Variants in PPP1R37 observed in about 807,000 individuals in gnomAD.
PPP1R37 encodes leucine rich repeat containing 68.
PPP1R37 carries 21 observed loss-of-function variants against 61.0 expected under a neutral mutation model. The observed-to-expected ratio is 0.34, with a 90% CI of 0.24 to 0.50. The LOEUF is 0.50. PPP1R37 is among the 20% of genes least tolerant of loss of function. PPP1R37 has a pLI of 0.98. For synonymous variants in PPP1R37, 443 were observed against 433.5 expected, an observed-to-expected ratio of 1.02 and a Z score of -0.27; for missense variants, 910 against 952.7, an observed-to-expected ratio of 0.96 and a Z score of 0.59.
intron 1 of PPP1R37, among the ~76,000 whole-genome samples, chr19:45,111,907 T>A (rs10409232): frequency 0.14 from 21,560 of 152,166 alleles, 1,702 homozygotes; most frequent in Non-Finnish European, 0.17. Flanking sequence ...TCGTTCTGCC[T>A]GTTTTTGAGT....
intron 1 of PPP1R37, among the ~76,000 whole-genome samples, chr19:45,133,039 A>G (rs985554740): frequency 4.6e-5 from 7 of 152,174 alleles, no homozygotes; most frequent in Non-Finnish European, 8.8e-5. Context: ...GTTGGGCGCT[A>G]GGATTTGACT....
chr19:45,134,259 C>T (rs1015059955), intron 1 of PPP1R37, among the ~76,000 whole-genome samples: 5 of 152,132 alleles, frequency 3.3e-5, no homozygotes, highest in Admixed American at 2.6e-4. Context: ...CTGTCTTGGC[C>T]TCACATAGTG....
At chr19:45,135,653 T>C (rs2122747057) in intron 1 of PPP1R37, among the ~76,000 whole-genome samples, 1 of 152,350 alleles carries the variant, frequency 6.6e-6, no homozygotes, top group East Asian at 1.9e-4. Context: ...CCTGGCTCCC[T>C]GCTTCACAGA....
intron 1 of PPP1R37, among the ~76,000 whole-genome samples, chr19:45,123,188 G>C (rs182924702): frequency 9.0e-4 from 136 of 151,666 alleles, no homozygotes; most frequent in African/African-American, 3.0e-3. Context: ...CTCTGGGACA[G>C]AGCTGGCTTG....
chr19:45,100,217 T>G (rs1490027415), intron 1 of PPP1R37: 6 of 152,226 alleles, frequency 3.9e-5, no homozygotes, highest in African/African-American at 1.4e-4. Context: ...CAAGCCTGCC[T>G]TCAGACCTCA....
chr19:45,138,712 G>C lies in PPP1R37; in HGVS notation c.300+101G>C. The C allele has an allele frequency of 2.8e-6, 2 of 701,982 alleles. 1 individual carries two copies. The highest frequency in any genetic ancestry group is 3.5e-5 in the South Asian group (2 of 57,678). 43.5% of individuals were successfully genotyped at this position (701,982 alleles called of 1,614,324 possible). A position where few individuals can be genotyped will look rare whatever the true frequency, so the allele number is the denominator to read the frequency against. ...GAGGGCCTCCCACTCCCCAGCCCCA[G>C]GTGTTCATGAATACATCTTTGAAAG... On this transcript the variant is annotated intron_variant, in intron 2 of 12. Coordinates refer to ENST00000221462, the MANE Select transcript of PPP1R37 (RefSeq NM_019121.2).
chr19:45,140,295 T>A lies in PPP1R37; in HGVS notation c.346+14T>A. On this transcript the variant is annotated intron_variant, in intron 3 of 12. Coordinates refer to ENST00000221462, the MANE Select transcript of PPP1R37 (RefSeq NM_019121.2). ...TGGACCTGAAAGGTGTGTGTCTGGC[T>A]AGGGGTTGAGAGCCCTTGGGTCATG... 6.5e-7 allele frequency: 1 copy of A among 1,535,762 alleles called. No individual in the cohort carries two copies. Among genetic ancestry groups the A allele is most frequent in the Non-Finnish European group, 8.7e-7 (1 of 1,146,576 alleles).
Position 45,146,393 on chromosome 19 carries a change from T to C in PPP1R37, c.1997T>C (p.Leu666Pro), listed in dbSNP as rs1435233668. The C allele has an allele frequency of 6.5e-7, 1 of 1,535,760 alleles. No individual in the cohort carries two copies. The highest frequency in any genetic ancestry group is 2.4e-5 in the East Asian group (1 of 40,890). The change falls in exon 12 of 13, where the codon CTG becomes CCG. Residue 666 changes from leucine to proline, a missense_variant. Physicochemically the swap from Leu to Pro is moderately conservative, Grantham distance 98. This residue lies in a region of PPP1R37 where 549 missense variants were observed against 505.1 expected (regional missense o/e 1.09). Coordinates refer to ENST00000221462, the MANE Select transcript of PPP1R37 (RefSeq NM_019121.2). Reference protein sequence around the residue: ...KGGSCGLEHELSCSKNEKELE... With the variant: ...KGGSCGLEHEPSCSKNEKELE... ...GCTGGCCCGTCCTCCCACACAGAAC[T>C]GAGCTGCTCCAAGAACGAGAAGGAG...
Position 45,146,981 on chromosome 19 carries a change from GGT to G in PPP1R37, c.*421_*422del, listed in dbSNP as rs1280020613. 2.5e-5 allele frequency: 4 copies of G among 162,974 alleles called. No individual in the cohort carries two copies. The highest frequency in any genetic ancestry group is 9.6e-5 in the African/African-American group (4 of 41,530). The allele number at this position is 162,974 out of a possible 1,614,324, so 10.1% of individuals were successfully genotyped here. On this transcript the variant is annotated 3_prime_UTR_variant, in exon 13 of 13. Transcript: ENST00000221462. Reference sequence around the variant, plus strand: ...TGCCGGAGAGGCGGTGCGTGCTGGTGGTGGTTGAGATGCACAGAACAGCCCCA... The same window carrying G: ...TGCCGGAGAGGCGGTGCGTGCTGGTGGGTTGAGATGCACAGAACAGCCCCA...
chr19:45,110,596 T>C (rs1328737873), intron 1 of PPP1R37, among the ~76,000 whole-genome samples: 1 of 152,186 alleles, frequency 6.6e-6, no homozygotes, highest in Non-Finnish European at 1.5e-5. Flanking sequence ...TCCCAGTCCT[T>C]GAGGGCAGGG....
intron 8 of PPP1R37, chr19:45,143,844 T>A: frequency 4.7e-6 from 2 of 427,096 alleles, no homozygotes; most frequent in Non-Finnish European, 8.5e-6. Flanking sequence ...CTCCTTTTTT[T>A]TTTTGAGACC....
At chr19:45,114,924 C>T (rs77593388) in intron 1 of PPP1R37, among the ~76,000 whole-genome samples, 1 of 152,142 alleles carries the variant, frequency 6.6e-6, no homozygotes, top group Admixed American at 6.5e-5. Flanking sequence ...AAAGGAACCC[C>T]CTAACTCCCC....
intron 1 of PPP1R37, among the ~76,000 whole-genome samples, chr19:45,112,713 T>G (rs1361948163): frequency 1.3e-5 from 2 of 152,296 alleles, no homozygotes; most frequent in South Asian, 2.1e-4. Flanking sequence ...TGTCTAGGGA[T>G]GGGTCTGCCT....
At chr19:45,128,696 G>A in intron 1 of PPP1R37, 1 of 1,092,172 alleles carries the variant, frequency 9.2e-7, no homozygotes, top group Non-Finnish European at 1.4e-6. Flanking sequence ...TCTTTGAGAT[G>A]TCTGCTTGGA....
intron 1 of PPP1R37, among the ~76,000 whole-genome samples, chr19:45,104,556 T>G (rs1968105621): frequency 6.6e-6 from 1 of 152,198 alleles, no homozygotes; most frequent in Non-Finnish European, 1.5e-5. Context: ...GTCCCTGCCA[T>G]GCCAGGTGGA....
intron 1 of PPP1R37, among the ~76,000 whole-genome samples, chr19:45,100,623 A>G (rs1968050418): frequency 1.3e-5 from 2 of 152,230 alleles, no homozygotes; most frequent in African/African-American, 2.4e-5. Flanking sequence ...CTGCGCAGTA[A>G]TAACCCCTGT....
intron 1 of PPP1R37, among the ~76,000 whole-genome samples, chr19:45,103,672 C>T (rs1053990626): frequency 1.3e-5 from 2 of 152,142 alleles, no homozygotes; most frequent in African/African-American, 4.8e-5. Flanking sequence ...TGAAAGCGAG[C>T]CGCAGGGAAG....
Position 45,145,583 on chromosome 19 carries a change from G to C in PPP1R37, c.1527G>C (p.Ser509=). Residue 509 remains serine, a synonymous_variant, in exon 11 of 13, where the codon TCG becomes TCC. Transcript: ENST00000221462. ...PAPSPDSDSD[S]DSDGEEEEEE... ...CCAGCCCGGACTCAGACTCAGACTC[G>C]GACTCGGATGGGGAGGAAGAGGAGG... The C allele has an allele frequency of 1.3e-6, 2 of 1,535,846 alleles. No individual in the cohort carries two copies. Among genetic ancestry groups the C allele is most frequent in the East Asian group, 2.4e-5 (1 of 40,870 alleles).
At chr19:45,102,173 A>G (rs1253529968) in intron 1 of PPP1R37, among the ~76,000 whole-genome samples, 1 of 151,952 alleles carries the variant, frequency 6.6e-6, no homozygotes, top group Non-Finnish European at 1.5e-5. Flanking sequence ...GATCCAGAAA[A>G]CTCTACAGAC....
Sources: allele counts gnomAD v4.1 joint callset (sites outside exome capture counted in the v4.1 genomes callset), GRCh38; gene constraint gnomAD v4.1.1; regional missense constraint gnomAD v4.1.1; transcripts MANE v1.5; gene names NCBI Gene and HGNC (gene_info 2026-07-23, HGNC 2026-07-21).